The following SPATA45 variants were observed in gnomAD, a reference collection of about 807,000 sequenced individuals.
SPATA45 encodes spermatogenesis associated 45.
Under a neutral mutation model 7.0 loss-of-function variants are expected in SPATA45, and 5 were observed. The ratio of observed to expected loss-of-function variants is 0.71; its 90% CI spans 0.37 to 1.50. SPATA45 has a LOEUF of 1.50. SPATA45 is among the 40% of genes most tolerant of loss of function. The pLI, the probability that SPATA45 is intolerant of heterozygous loss-of-function variation, is 0.03. For missense variants in SPATA45, 111 were observed against 114.9 expected (o/e 0.97, Z 0.16); for synonymous variants, 40 against 38.7 (o/e 1.03, Z -0.13).
intron 2 of SPATA45, among the ~76,000 whole-genome samples, chr1:212,831,473 T>TAA (rs200413225): frequency 1.6e-4 from 19 of 121,434 alleles, no homozygotes; most frequent in South Asian, 2.7e-4. Context: ...ACTCTGCCTC[T>TAA]AAAAAAAAAA....
chr1:212,847,149 C>T (rs146797101), intron 1 of SPATA45, among the ~76,000 whole-genome samples: 3,681 of 152,260 alleles, frequency 0.024, 64 homozygotes, highest in South Asian at 0.042. Flanking sequence ...CTTCAGCCTC[C>T]CAAAGTGCTG....
At chr1:212,844,293 A>G (rs1345573137) in intron 1 of SPATA45, among the ~76,000 whole-genome samples, 1 of 151,804 alleles carries the variant, frequency 6.6e-6, no homozygotes, top group Non-Finnish European at 1.5e-5. Context: ...TTCAAAATCC[A>G]TTTTCCTCCT....
chr1:212,837,718 C>T (rs1288021303), intron 1 of SPATA45, among the ~76,000 whole-genome samples: 1 of 151,858 alleles, frequency 6.6e-6, no homozygotes, highest in Non-Finnish European at 1.5e-5. Flanking sequence ...GGGAGGATCA[C>T]TTAAGCCTGG....
intron 2 of SPATA45, among the ~76,000 whole-genome samples, chr1:212,832,079 C>T (rs1299818453): frequency 1.6e-5 from 2 of 122,802 alleles, no homozygotes; most frequent in South Asian, 2.8e-4. Flanking sequence ...AGTGCAGTGG[C>T]GCGATCTCTG....
At chr1:212,837,452 T>C (rs1271889418) in intron 1 of SPATA45, among the ~76,000 whole-genome samples, 1 of 151,068 alleles carries the variant, frequency 6.6e-6, no homozygotes, top group Admixed American at 6.6e-5. Flanking sequence ...GCCAACATAG[T>C]GAAACCCTGT....
At chr1:212,837,526 A>G (rs1417183587) in intron 1 of SPATA45, among the ~76,000 whole-genome samples, 2 of 151,678 alleles carry the variant, frequency 1.3e-5, no homozygotes, top group Admixed American at 1.3e-4. Flanking sequence ...CCAGCTACTC[A>G]GGAGCCTGAG....
chr1:212,838,666 T>TTTG (rs754603034), intron 1 of SPATA45, among the ~76,000 whole-genome samples: 17 of 151,422 alleles, frequency 1.1e-4, no homozygotes, highest in East Asian at 1.9e-4. Flanking sequence ...TTAAAAAACT[T>TTTG]TTGTTGTTGT....
At chr1:212,846,510 C>T (rs904202080) in intron 1 of SPATA45, among the ~76,000 whole-genome samples, 31 of 152,218 alleles carry the variant, frequency 2.0e-4, no homozygotes, top group African/African-American at 6.7e-4. Context: ...GACGTTCCAC[C>T]ACTGTGATTT....
At chr1:212,832,540 A>G (rs1386152515) in intron 2 of SPATA45, among the ~76,000 whole-genome samples, 3 of 151,150 alleles carry the variant, frequency 2.0e-5, no homozygotes, top group African/African-American at 4.8e-5. Context: ...TTTATTCATC[A>G]CTGTATTGAC....
rs191439102 is a variant in SPATA45, at chr1:212,836,581, T to A, written c.-38-394A>T. Among the ~76,000 whole-genome samples the A allele has an allele frequency of 3.8e-3, 582 of 151,812 alleles. 12 individuals carry two copies. Among genetic ancestry groups the A allele is most frequent in the African/African-American group, 0.013 (557 of 41,514 alleles). Reference sequence around the variant, plus strand: ...CCTGTCCTCAGGTGATCCACCCACCTCAGCTTCCCAAAGTGCTGGGATTAC... The same window carrying A: ...CCTGTCCTCAGGTGATCCACCCACCACAGCTTCCCAAAGTGCTGGGATTAC... On this transcript the variant is annotated intron_variant, in intron 1 of 2. Coordinates refer to ENST00000332912, the MANE Select transcript of SPATA45 (RefSeq NM_001024601.3).
chr1:212,843,021 C>T (rs1663718634), intron 1 of SPATA45, among the ~76,000 whole-genome samples: 1 of 151,900 alleles, frequency 6.6e-6, no homozygotes, highest in African/African-American at 2.4e-5. Flanking sequence ...GGTGTGAACC[C>T]AGGAGGCGGA....
chr1:212,847,487 G>A (rs564931131), intron 1 of SPATA45, 93 bp downstream of exon 1: 1 of 152,128 alleles, frequency 6.6e-6, no homozygotes, highest in East Asian at 1.9e-4. Context: ...TAATGTTTGT[G>A]GCAACTTTAT....
chr1:212,834,454 CTTT>C (rs751372594), intron 2 of SPATA45, among the ~76,000 whole-genome samples: 1 of 142,844 alleles, frequency 7.0e-6, no homozygotes, highest in Non-Finnish European at 1.6e-5. Context: ...CCTTCGTCCA[CTTT>C]TTTTTTTTTT....
At chr1:212,846,631 GC>G (rs1052570074) in intron 1 of SPATA45, among the ~76,000 whole-genome samples, 1 of 151,996 alleles carries the variant, frequency 6.6e-6, no homozygotes, top group Non-Finnish European at 1.5e-5. Context: ...ATTCTTCCCT[GC>G]CCTTAGGAAT....
chr1:212,835,644 C>A (rs1267928043), intron 2 of SPATA45, among the ~76,000 whole-genome samples: 1 of 151,314 alleles, frequency 6.6e-6, no homozygotes, highest in Non-Finnish European at 1.5e-5. Flanking sequence ...ACCAGCCTGG[C>A]CAACAAGGTG....
chr1:212,840,822 G>A (rs528241465), intron 1 of SPATA45, among the ~76,000 whole-genome samples: 3 of 152,070 alleles, frequency 2.0e-5, no homozygotes. Flanking sequence ...GTTTCACCAT[G>A]TTAGCCAGGA....
intron 1 of SPATA45, among the ~76,000 whole-genome samples, chr1:212,841,631 CTTTTTTTTT>C (rs5780702): frequency 8.0e-6 from 1 of 125,224 alleles, no homozygotes; most frequent in Middle Eastern, 4.0e-3. Flanking sequence ...AGGTATCTTT[CTTTTTTTTT>C]TTTTTTTTTT....
chr1:212,846,338 A>G (rs556992009), intron 1 of SPATA45, among the ~76,000 whole-genome samples: 1 of 152,048 alleles, frequency 6.6e-6, no homozygotes, highest in East Asian at 1.9e-4. Flanking sequence ...ACACTTCACC[A>G]CTGTTTTGTT....
chr1:212,836,806 G>A (rs963092527), intron 1 of SPATA45, among the ~76,000 whole-genome samples: 2 of 146,800 alleles, frequency 1.4e-5, no homozygotes, highest in Non-Finnish European at 3.0e-5. Flanking sequence ...GCACCACCAT[G>A]CCCAGCTAAT....
Sources: gnomAD v4.1 joint callset for allele counts (sites outside exome capture counted in the v4.1 genomes callset) on GRCh38, gnomAD v4.1.1 for gene constraint, MANE v1.5 for transcripts, NCBI Gene and HGNC (gene_info 2026-07-23, HGNC 2026-07-21) for gene names.